TRAF3IP3: variants seen among roughly 807,000 people sequenced by gnomAD.
TRAF3IP3 encodes TRAF3-interacting JNK-activating modulator.
Under a neutral mutation model 86.5 loss-of-function variants are expected in TRAF3IP3, and 64 were observed. The ratio of observed to expected loss-of-function variants is 0.74; its 90% CI spans 0.60 to 0.91. The LOEUF is 0.91. Ranked by LOEUF, TRAF3IP3 falls within the 40% of genes least tolerant of loss-of-function variation. TRAF3IP3 has a pLI of 0.00. For synonymous variants in TRAF3IP3, 220 were observed against 243.9 expected (o/e 0.90, Z 0.91); for missense variants, 579 against 642.9 (o/e 0.90, Z 1.07).
intron 8 of TRAF3IP3, among the ~76,000 whole-genome samples, chr1:209,772,670 G>T (rs923532851): frequency 6.6e-6 from 1 of 150,864 alleles, no homozygotes; most frequent in Non-Finnish European, 1.5e-5. Context: ...CTTTCCTTCC[G>T]GGGCCCCCCT....
Position 209,775,466 on chromosome 1 carries a change from G to A in TRAF3IP3, c.892G>A (p.Glu298Lys). 6.2e-7 allele frequency: 1 copy of A among 1,614,242 alleles called. No individual in the cohort carries two copies. Among genetic ancestry groups the A allele is most frequent in the Non-Finnish European group, 8.5e-7 (1 of 1,180,044 alleles). The change falls in exon 10 of 17, where the codon GAG (glutamate) becomes AAG (lysine). Residue 298 changes from glutamate to lysine, a missense_variant. Physicochemically the swap from Glu to Lys is moderately conservative, Grantham distance 56. Coordinates refer to ENST00000367025, the MANE Select transcript of TRAF3IP3 (RefSeq NM_025228.4). ...QKVLEEKMNAEQQLQSTQRSL... is the reference protein window; with the variant it reads ...QKVLEEKMNAKQQLQSTQRSL... Reference sequence around the variant, plus strand: ...AGTGCTGGAGGAGAAAATGAATGCAGAGCAGCAACTACAGAGCACACAGGT... The same window carrying A: ...AGTGCTGGAGGAGAAAATGAATGCAAAGCAGCAACTACAGAGCACACAGGT...
chr1:209,781,973 G>T, intron 16 of TRAF3IP3, 83 bp from the exon 17 acceptor site: 2 of 1,149,388 alleles, frequency 1.7e-6, no homozygotes, highest in East Asian at 2.4e-5. Context: ...CACTGGGCTA[G>T]AGTAGGAAGA....
chr1:209,781,308 G>T, intron 15 of TRAF3IP3, 37 bp from the exon 16 acceptor site: 1 of 1,466,806 alleles, frequency 6.8e-7, no homozygotes, highest in Non-Finnish European at 9.5e-7. Context: ...GTCCTAGACA[G>T]AAGTGACAGT....
At chr1:209,780,429 T>C (rs1436855448) in intron 14 of TRAF3IP3, 41 bp from the exon 15 acceptor site, 2 of 1,502,180 alleles carry the variant, frequency 1.3e-6, no homozygotes, top group South Asian at 1.3e-5. Flanking sequence ...TCCTCAGAGG[T>C]GTGGGCCTCA....
intron 8 of TRAF3IP3, among the ~76,000 whole-genome samples, chr1:209,771,365 CTGGAGGTGTGTGTGCAGG>C (rs138331802): frequency 0.27 from 25,296 of 93,398 alleles, 2,514 homozygotes; most frequent in Middle Eastern, 0.33. Flanking sequence ...GCGTGTGCAG[CTGGAGGTGTGTGTGCAGG>C]TGGAAGTGTG....
At chr1:209,775,906 A>G (rs548341335) in intron 11 of TRAF3IP3, 170 bp downstream of exon 11, 1 of 624,064 alleles carries the variant, frequency 1.6e-6, no homozygotes, top group South Asian at 2.3e-5. Flanking sequence ...CTGAAATCTA[A>G]TTTTGAGTTT....
chr1:209,763,000 T>C (rs1312807006), intron 5 of TRAF3IP3, 68 bp from the exon 6 acceptor site: 5 of 1,594,348 alleles, frequency 3.1e-6, no homozygotes, highest in Non-Finnish European at 4.3e-6. Flanking sequence ...TCAGAAGGAA[T>C]CAACCCACTG....
chr1:209,779,860 A>G (rs528639559), intron 14 of TRAF3IP3: 2 of 231,390 alleles, frequency 8.6e-6, no homozygotes, highest in Non-Finnish European at 1.7e-5. Context: ...CTTCACAATC[A>G]TTGGGCATAA....
chr1:209,774,145 G>C (rs1017647401), intron 9 of TRAF3IP3, among the ~76,000 whole-genome samples: 22 of 152,206 alleles, frequency 1.4e-4, no homozygotes, highest in Admixed American at 3.9e-4. Flanking sequence ...CGAAATCACA[G>C]GGCATAAAGA....
intron 8 of TRAF3IP3, among the ~76,000 whole-genome samples, chr1:209,771,787 G>A (rs1220043808): frequency 4.5e-5 from 6 of 132,886 alleles, no homozygotes; most frequent in Admixed American, 2.3e-4. Context: ...GGAGGTGTGC[G>A]TGTGCATATG....
At chr1:209,771,066 G>GTA (rs2077493039) in intron 8 of TRAF3IP3, among the ~76,000 whole-genome samples, 2 of 145,948 alleles carry the variant, frequency 1.4e-5, no homozygotes, top group African/African-American at 2.6e-5. Flanking sequence ...ATGTGGAGGT[G>GTA]TGTGTGCAGG....
chr1:209,775,408 C>T lies in TRAF3IP3; in HGVS notation c.834C>T (p.Ser278=). ...VLLEMEDQKN[S]YEQKAKESLQ... is the part of the protein sequence containing the mutation. ...TGGAGATGGAAGACCAGAAAAACAG[C>T]TATGAGCAGAAGGCCAAGGAGTCAC... Residue 278 remains serine (S), a synonymous_variant, in exon 10 of 17, where the codon AGC becomes AGT. Transcript: ENST00000367025. 1 of 1,614,158 alleles carries T rather than the reference C, an allele frequency of 6.2e-7. No homozygotes were observed. The highest frequency in any genetic ancestry group is 1.1e-5 in the South Asian group (1 of 91,082).
intron 8 of TRAF3IP3, among the ~76,000 whole-genome samples, chr1:209,767,794 C>G (rs1270898857): frequency 6.6e-6 from 1 of 152,020 alleles, no homozygotes; most frequent in Non-Finnish European, 1.5e-5. Flanking sequence ...TAAGACACAA[C>G]CAGAGCTTGA....
At position 209,777,358 on chromosome 1, in the gene TRAF3IP3, G is replaced by C. The variant is rs1036964820; in HGVS notation, c.1060G>C (p.Asp354His). 1 of 1,613,506 alleles carries C rather than the reference G, an allele frequency of 6.2e-7. No individual in the cohort carries two copies. Among genetic ancestry groups the C allele is most frequent in the Non-Finnish European group, 8.5e-7 (1 of 1,179,836 alleles). Reference sequence around the variant, plus strand: ...CCCTTCCTCCTCCTTACAGGGAGCAGATAGCAGGGACTTACAGATGAACCA... The same window carrying C: ...CCCTTCCTCCTCCTTACAGGGAGCACATAGCAGGGACTTACAGATGAACCA... ...HVLQSKLQGA[D>H]SRDLQMNQAL... The change falls in exon 12 of 17, where the codon GAT (aspartate) becomes CAT (histidine). Residue 354 changes from aspartate to histidine, a missense_variant. By Grantham distance (81) the Asp-to-His change is moderately conservative. Transcript: ENST00000367025.
At chr1:209,765,574 G>A (rs1308220926) in intron 8 of TRAF3IP3, among the ~76,000 whole-genome samples, 2 of 152,034 alleles carry the variant, frequency 1.3e-5, no homozygotes, top group Non-Finnish European at 2.9e-5. Context: ...GGCTAAGGCA[G>A]GAGAATCTCT....
At chr1:209,767,527 T>C (rs1031152376) in intron 8 of TRAF3IP3, among the ~76,000 whole-genome samples, 4 of 151,828 alleles carry the variant, frequency 2.6e-5, no homozygotes, top group Non-Finnish European at 4.4e-5. Context: ...TCATCTCTAT[T>C]AAAAATAAAA....
chr1:209,772,021 G>C (rs1000846417), intron 8 of TRAF3IP3, among the ~76,000 whole-genome samples: 2 of 151,618 alleles, frequency 1.3e-5, no homozygotes, highest in Non-Finnish European at 2.9e-5. Context: ...AGGTGGAAGT[G>C]TACGTGTGCA....
Position 209,771,180 on chromosome 1 carries a change from T to C in TRAF3IP3, c.703-1768T>C, listed in dbSNP as rs761995826. On this transcript the variant is annotated intron_variant, in intron 8 of 16. Transcript: ENST00000367025. ...GGTTGTGTGCATGTGGAGGTGTGCGTGCGCATGTGGAGGTGTGCGTGTTCA... is the reference window on the plus strand; with the variant it reads ...GGTTGTGTGCATGTGGAGGTGTGCGCGCGCATGTGGAGGTGTGCGTGTTCA... 7.5e-5 allele frequency among the ~76,000 whole-genome samples: 11 copies of C among 146,064 alleles called. 1 individual carries two copies. The highest frequency in any genetic ancestry group is 6.8e-5 in the Admixed American group (1 of 14,668).
chr1:209,778,634 G>A (rs2077710213), intron 13 of TRAF3IP3: 1 of 156,020 alleles, frequency 6.4e-6, no homozygotes, highest in Admixed American at 6.5e-5. Context: ...TGAAAAGCTG[G>A]AGAACCTGAC....
Sources: allele counts gnomAD v4.1 joint callset (sites outside exome capture counted in the v4.1 genomes callset), GRCh38; gene constraint gnomAD v4.1.1; transcripts MANE v1.5; gene names NCBI Gene and HGNC (gene_info 2026-07-23, HGNC 2026-07-21).